JAM3: variants seen among roughly 807,000 people sequenced by gnomAD.
JAM3 encodes junctional adhesion molecule C.
Under a neutral mutation model 39.4 loss-of-function variants are expected in JAM3, and 31 were observed. The observed-to-expected ratio is 0.79, with a 90% CI of 0.59 to 1.06. JAM3 has a LOEUF of 1.06. Among genes scored for constraint, JAM3 ranks in the 50% least tolerant of loss-of-function variants. The pLI, the probability that JAM3 is intolerant of heterozygous loss-of-function variation, is 0.00. For synonymous variants in JAM3, 182 were observed against 148.7 expected, an observed-to-expected ratio of 1.22 and a Z score of -1.63; for missense variants, 455 against 391.4, an observed-to-expected ratio of 1.16 and a Z score of -1.37.
At chr11:134,128,116 C>G (rs563567662) in intron 1 of JAM3, among the ~76,000 whole-genome samples, 2 of 152,186 alleles carry the variant, frequency 1.3e-5, no homozygotes, top group East Asian at 3.9e-4. Context: ...TCCTCTTGGG[C>G]TTTTTAGCCT....
chr11:134,128,179 C>T (rs1460449165), intron 1 of JAM3, among the ~76,000 whole-genome samples: 2 of 152,196 alleles, frequency 1.3e-5, no homozygotes, highest in Non-Finnish European at 2.9e-5. Flanking sequence ...ACACAACAGC[C>T]TGAGGTCCAG....
Position 134,149,901 on chromosome 11 carries a change from GTCT to G in JAM3, c.*722_*724del, listed in dbSNP as rs939740258. ...GGTACTGAAATATGCTTTTCTATGG[GTCT>G]TGTTTATTTTATAAAATTTTACATC... On this transcript the variant is annotated 3_prime_UTR_variant, in exon 9 of 9. Coordinates refer to ENST00000299106, the MANE Select transcript of JAM3 (RefSeq NM_032801.5). The G allele has an allele frequency of 1.1e-5, 2 of 182,908 alleles. No homozygotes were observed. The highest frequency in any genetic ancestry group is 2.3e-5 in the Non-Finnish European group (2 of 86,282). The allele number at this position is 182,908 out of a possible 1,614,324, so 11.3% of individuals were successfully genotyped here.
At chr11:134,121,572 G>C (rs969910759) in intron 1 of JAM3, among the ~76,000 whole-genome samples, 3 of 151,710 alleles carry the variant, frequency 2.0e-5, no homozygotes, top group Non-Finnish European at 2.9e-5. Context: ...AAATCATTCT[G>C]ACATCTCTCT....
intron 1 of JAM3, among the ~76,000 whole-genome samples, chr11:134,079,602 C>T (rs1360990029): frequency 6.6e-6 from 1 of 152,032 alleles, no homozygotes. Flanking sequence ...GCATGTGATT[C>T]ATTTTTTAGA....
At chr11:134,142,619 GTTT>G (rs1357374871) in intron 3 of JAM3, among the ~76,000 whole-genome samples, 1 of 152,074 alleles carries the variant, frequency 6.6e-6, no homozygotes, top group Non-Finnish European at 1.5e-5. Flanking sequence ...TGTTTAAAAT[GTTT>G]TTTTATGGAG....
chr11:134,105,549 A>G (rs1942167679), intron 1 of JAM3, among the ~76,000 whole-genome samples: 1 of 152,198 alleles, frequency 6.6e-6, no homozygotes. Flanking sequence ...TTAGGAAAAG[A>G]GGAAGTCAAA....
chr11:134,130,610 C>T (rs1314621522), intron 1 of JAM3, among the ~76,000 whole-genome samples: 1 of 152,080 alleles, frequency 6.6e-6, no homozygotes, highest in African/African-American at 2.4e-5. Flanking sequence ...ATTATAGCAA[C>T]CAAGCAAATA....
chr11:134,110,365 T>C (rs755568648), intron 1 of JAM3, among the ~76,000 whole-genome samples: 2 of 152,232 alleles, frequency 1.3e-5, no homozygotes, highest in Non-Finnish European at 2.9e-5. Context: ...CAAATATTTA[T>C]TTGTAGCATC....
intron 1 of JAM3, among the ~76,000 whole-genome samples, chr11:134,104,817 T>C (rs1337700583): frequency 1.3e-5 from 2 of 152,042 alleles, no homozygotes. Context: ...AGAAGTTGAA[T>C]CCCTGAATAG....
chr11:134,104,259 T>G (rs745668443), intron 1 of JAM3, among the ~76,000 whole-genome samples: 5 of 152,166 alleles, frequency 3.3e-5, no homozygotes, highest in African/African-American at 4.8e-5. Context: ...GAATGACTAC[T>G]GGGTACATAA....
chr11:134,114,980 C>G (rs755003137), intron 1 of JAM3, among the ~76,000 whole-genome samples: 3 of 152,274 alleles, frequency 2.0e-5, no homozygotes, highest in Middle Eastern at 6.8e-3. Flanking sequence ...TTTATTTCTC[C>G]TTGCAGTTCT....
intron 1 of JAM3, among the ~76,000 whole-genome samples, chr11:134,087,104 C>G (rs1941757453): frequency 1.3e-5 from 2 of 151,964 alleles, no homozygotes; most frequent in South Asian, 4.1e-4. Context: ...CACACCTGGC[C>G]AAGATTTTAG....
chr11:134,099,622 G>A (rs1942039877), intron 1 of JAM3, among the ~76,000 whole-genome samples: 1 of 151,920 alleles, frequency 6.6e-6, no homozygotes, highest in Non-Finnish European at 1.5e-5. Context: ...ATTTATTTAG[G>A]GACAGAATCT....
chr11:134,129,309 G>T (rs905413076), intron 1 of JAM3, among the ~76,000 whole-genome samples: 1 of 151,816 alleles, frequency 6.6e-6, no homozygotes, highest in African/African-American at 2.4e-5. Context: ...GTAGAGATGG[G>T]GTTTCACAGT....
intron 1 of JAM3, among the ~76,000 whole-genome samples, chr11:134,111,532 T>C (rs2120730265): frequency 6.6e-6 from 1 of 152,162 alleles, no homozygotes; most frequent in Middle Eastern, 3.4e-3. Context: ...GAAACTCTAC[T>C]TCTCCTCATA....
At chr11:134,139,577 AG>A in intron 1 of JAM3, 2 of 457,404 alleles carry the variant, frequency 4.4e-6, no homozygotes, top group Admixed American at 6.8e-5. Context: ...GCTTAGACAA[AG>A]GCTTTAAAGC....
chr11:134,094,302 T>C, intron 1 of JAM3, among the ~76,000 whole-genome samples: 1 of 141,464 alleles, frequency 7.1e-6, no homozygotes, highest in East Asian at 2.2e-4. Context: ...TCCTGAACCC[T>C]CCTTATTCAT....
intron 1 of JAM3, among the ~76,000 whole-genome samples, chr11:134,137,364 C>T (rs535871372): frequency 6.6e-6 from 1 of 152,342 alleles, no homozygotes; most frequent in Middle Eastern, 3.4e-3. Context: ...ACCATTTTGA[C>T]CAATCAGCCT....
chr11:134,076,057 ATAT>A (rs1354967624), intron 1 of JAM3, among the ~76,000 whole-genome samples: 4 of 148,970 alleles, frequency 2.7e-5, no homozygotes, highest in African/African-American at 9.9e-5. Context: ...TCCACCAATT[ATAT>A]TATTCATTTC....
Sources: allele counts gnomAD v4.1 joint callset (sites outside exome capture counted in the v4.1 genomes callset), GRCh38; gene constraint gnomAD v4.1.1; transcripts MANE v1.5; gene names NCBI Gene and HGNC (gene_info 2026-07-23, HGNC 2026-07-21).